BICD1: variants seen among roughly 807,000 people sequenced by gnomAD.
The protein encoded by BICD1 is protein bicaudal D homolog 1.
A neutral mutation model predicts 92.5 loss-of-function variants in BICD1; 35 were observed. The observed-to-expected ratio is 0.38, with a 90% CI of 0.29 to 0.50. The LOEUF (loss-of-function observed/expected upper bound fraction) is 0.50, where lower values mean the gene tolerates loss of function less well. Ranked by LOEUF, BICD1 falls within the 20% of genes least tolerant of loss-of-function variation. The pLI is 0.93. For missense variants in BICD1, 950 were observed against 1,189.8 expected (o/e 0.80, Z 2.97); for synonymous variants, 429 against 465.1 (o/e 0.92, Z 1.00).
intron 1 of BICD1, among the ~76,000 whole-genome samples, chr12:32,199,218 G>A (rs1208118969): frequency 1.3e-5 from 2 of 152,166 alleles, no homozygotes; most frequent in East Asian, 3.8e-4. Flanking sequence ...CATCACTTAC[G>A]ATTGGGATTC....
chr12:32,246,267 G>A (rs1032748773), intron 2 of BICD1, among the ~76,000 whole-genome samples: 28 of 148,040 alleles, frequency 1.9e-4, no homozygotes, highest in African/African-American at 6.9e-4. Context: ...CTTGTGACTG[G>A]GAGTTTGAGA....
chr12:32,186,204 GTTTA>G (rs1161683736), intron 1 of BICD1, among the ~76,000 whole-genome samples: 3 of 152,172 alleles, frequency 2.0e-5, no homozygotes, highest in Admixed American at 1.3e-4. Context: ...TTGCTTTGTG[GTTTA>G]TTTAATGATG....
chr12:32,120,369 A>G (rs1942098893), intron 1 of BICD1, among the ~76,000 whole-genome samples: 1 of 152,206 alleles, frequency 6.6e-6, no homozygotes, highest in South Asian at 2.1e-4. Context: ...TATGGGAGCA[A>G]TAGCAATATG....
intron 1 of BICD1, among the ~76,000 whole-genome samples, chr12:32,198,226 A>G (rs1264140493): frequency 6.6e-6 from 1 of 150,624 alleles, no homozygotes; most frequent in East Asian, 1.9e-4. Context: ...AAAAAATTAT[A>G]CTGATGATTT....
intron 4 of BICD1, among the ~76,000 whole-genome samples, chr12:32,310,291 C>A (rs1435117974): frequency 2.0e-5 from 3 of 152,124 alleles, no homozygotes; most frequent in Non-Finnish European, 4.4e-5. Context: ...GGCAGTAAGC[C>A]AAATACTGAC....
intron 1 of BICD1, among the ~76,000 whole-genome samples, chr12:32,215,431 T>C (rs1565592732): frequency 1.3e-5 from 2 of 152,200 alleles, no homozygotes; most frequent in African/African-American, 4.8e-5. Flanking sequence ...TTCAGTGTCT[T>C]TTTTTGTGTG....
intron 1 of BICD1, among the ~76,000 whole-genome samples, chr12:32,130,116 A>G (rs1942488739): frequency 2.0e-5 from 3 of 152,254 alleles, no homozygotes; most frequent in South Asian, 2.1e-4. Flanking sequence ...GAGATGTTCA[A>G]TCTGAGTAGT....
At chr12:32,159,044 T>C (rs1292812168) in intron 1 of BICD1, among the ~76,000 whole-genome samples, 2 of 152,074 alleles carry the variant, frequency 1.3e-5, no homozygotes, top group African/African-American at 2.4e-5. Context: ...GGCAATACTC[T>C]TGCCTCAGCC....
At chr12:32,244,084 A>G (rs1204522994) in intron 2 of BICD1, among the ~76,000 whole-genome samples, 2 of 137,938 alleles carry the variant, frequency 1.4e-5, no homozygotes, top group African/African-American at 7.1e-5. Context: ...TTTATCTGCT[A>G]TTTCAAAATT....
At chr12:32,293,971 G>T in intron 2 of BICD1, 23 bp from the exon 3 acceptor site, 2 of 1,603,146 alleles carry the variant, frequency 1.2e-6, no homozygotes, top group South Asian at 1.1e-5. Context: ...GTTATATATT[G>T]ACTGTTTACT....
At chr12:32,230,705 G>GAATTC (rs1945858505) in intron 2 of BICD1, among the ~76,000 whole-genome samples, 1 of 152,300 alleles carries the variant, frequency 6.6e-6, no homozygotes, top group African/African-American at 2.4e-5. Context: ...GAGCAAAAGC[G>GAATTC]GCGTCTGTCT....
chr12:32,319,282 C>T (rs1331947105), intron 4 of BICD1, among the ~76,000 whole-genome samples: 1 of 151,854 alleles, frequency 6.6e-6, no homozygotes, highest in Non-Finnish European at 1.5e-5. Context: ...AGATTGTTGA[C>T]TTTTTTTTAT....
At chr12:32,179,630 T>C (rs944187138) in intron 1 of BICD1, among the ~76,000 whole-genome samples, 2 of 152,012 alleles carry the variant, frequency 1.3e-5, no homozygotes, top group Non-Finnish European at 1.5e-5. Context: ...AAAATATTTT[T>C]CATAGCAGTA....
chr12:32,324,992 T>A (rs1481485295), intron 4 of BICD1, among the ~76,000 whole-genome samples: 1 of 152,186 alleles, frequency 6.6e-6, no homozygotes, highest in Non-Finnish European at 1.5e-5. Flanking sequence ...ATTCAGTTAT[T>A]TCTTCTATAA....
At chr12:32,377,184 G>C (rs988112569) in intron 9 of BICD1, among the ~76,000 whole-genome samples, 3 of 152,080 alleles carry the variant, frequency 2.0e-5, no homozygotes, top group Admixed American at 6.5e-5. Flanking sequence ...GAAAAGAACT[G>C]ATCTCATGAA....
intron 2 of BICD1, among the ~76,000 whole-genome samples, chr12:32,233,852 G>T (rs1945977001): frequency 6.6e-6 from 1 of 152,020 alleles, no homozygotes; most frequent in Non-Finnish European, 1.5e-5. Flanking sequence ...ATCCCAGTTG[G>T]CAGGTCTAGC....
intron 2 of BICD1, among the ~76,000 whole-genome samples, chr12:32,243,929 A>ATGTCCCAG (rs978262919): frequency 1.3e-5 from 2 of 152,196 alleles, no homozygotes; most frequent in African/African-American, 4.8e-5. Context: ...AAATGGCTAA[A>ATGTCCCAG]TGTCCCAGTG....
chr12:32,317,546 A>T (rs1230324250), intron 4 of BICD1, among the ~76,000 whole-genome samples: 1 of 151,830 alleles, frequency 6.6e-6, no homozygotes, highest in African/African-American at 2.4e-5. Context: ...CCACTTTTTG[A>T]TGGGGTTGTT....
intron 1 of BICD1, among the ~76,000 whole-genome samples, chr12:32,144,449 G>A (rs531385251): frequency 1.3e-5 from 2 of 152,284 alleles, no homozygotes; most frequent in Non-Finnish European, 2.9e-5. Context: ...ATTGTAATGA[G>A]TGTACAAGAG....
Sources: gnomAD v4.1 joint callset for allele counts (sites outside exome capture counted in the v4.1 genomes callset) on GRCh38, gnomAD v4.1.1 for gene constraint, MANE v1.5 for transcripts, NCBI Gene and HGNC (gene_info 2026-07-23, HGNC 2026-07-21) for gene names.